QKI: variants seen among roughly 807,000 people sequenced by gnomAD.
The protein encoded by QKI is QKI, KH domain containing RNA binding.
Under a neutral mutation model 39.0 loss-of-function variants are expected in QKI, and 10 were observed. The observed-to-expected ratio is 0.26, with a 90% CI of 0.16 to 0.43. The LOEUF is 0.43. Among genes scored for constraint, QKI ranks in the 20% least tolerant of loss-of-function variants. QKI has a pLI of 1.00. For missense variants in QKI, 218 were observed against 428.0 expected, an observed-to-expected ratio of 0.51 and a Z score of 4.33; for synonymous variants, 204 against 155.4, an observed-to-expected ratio of 1.31 and a Z score of -2.33.
At chr6:163,533,617 A>G (rs1187251957) in intron 3 of QKI, among the ~76,000 whole-genome samples, 2 of 152,220 alleles carry the variant, frequency 1.3e-5, no homozygotes, top group Non-Finnish European at 2.9e-5. Flanking sequence ...TAAAGATATG[A>G]CATCATCAAA....
chr6:163,533,807 C>G (rs1419677243), intron 3 of QKI, among the ~76,000 whole-genome samples: 1 of 151,920 alleles, frequency 6.6e-6, no homozygotes, highest in Non-Finnish European at 1.5e-5. Context: ...TATCCCCTTA[C>G]AATATGTGGA....
Position 163,415,103 on chromosome 6 carries a change from C to A in QKI, c.-91C>A. On this transcript the variant is annotated 5_prime_UTR_variant, in exon 1 of 8. Transcript: ENST00000361752. ...GCGGAGCGGGACGCCGGGTCCCGAGCGGCCCGCGGCCGGGGCTCGCCCCCG... is the reference window on the plus strand; with the variant it reads ...GCGGAGCGGGACGCCGGGTCCCGAGAGGCCCGCGGCCGGGGCTCGCCCCCG... 3 of 1,033,642 alleles carry A rather than the reference C, an allele frequency of 2.9e-6. No homozygotes were observed. The highest frequency in any genetic ancestry group is 4.3e-5 in the South Asian group (1 of 23,072). The allele number at this position is 1,033,642 out of a possible 1,614,324, so 64.0% of individuals were successfully genotyped here.
chr6:163,471,759 CACTT>C (rs1792205324), intron 2 of QKI, among the ~76,000 whole-genome samples: 1 of 152,044 alleles, frequency 6.6e-6, no homozygotes, highest in Admixed American at 6.6e-5. Context: ...ACATAGAAAA[CACTT>C]AGTAAAAAGA....
At chr6:163,466,396 C>T (rs919514656) in intron 2 of QKI, among the ~76,000 whole-genome samples, 1 of 151,986 alleles carries the variant, frequency 6.6e-6, no homozygotes, top group African/African-American at 2.4e-5. Flanking sequence ...TAGGAAAAAA[C>T]AATCCTAAAA....
intron 7 of QKI, 58 bp from the exon 8 acceptor site, chr6:163,570,636 T>C (rs1318860652): frequency 6.2e-7 from 1 of 1,602,980 alleles, no homozygotes; most frequent in African/African-American, 1.3e-5. Flanking sequence ...AACTAATCTC[T>C]TCTCTATCTT....
intron 7 of QKI, chr6:163,568,284 C>T (rs1193062969): frequency 2.1e-5 from 21 of 984,882 alleles, no homozygotes; most frequent in South Asian, 9.4e-5. Context: ...TGTATGCCCC[C>T]TTTTAGGAGA....
chr6:163,466,538 A>G (rs532170460), intron 2 of QKI, among the ~76,000 whole-genome samples: 2 of 152,322 alleles, frequency 1.3e-5, no homozygotes, highest in East Asian at 1.9e-4. Flanking sequence ...ACATAGACCA[A>G]TGAAACAGAA....
chr6:163,432,398 C>T (rs116315519), intron 1 of QKI, among the ~76,000 whole-genome samples: 3,663 of 144,004 alleles, frequency 0.025, 141 homozygotes, highest in African/African-American at 0.087. Flanking sequence ...AATCCCCCCC[C>T]TTTTTTTTTT....
intron 3 of QKI, among the ~76,000 whole-genome samples, chr6:163,501,436 A>G (rs1177145956): frequency 6.6e-6 from 1 of 152,194 alleles, no homozygotes. Context: ...ATGCATTTGC[A>G]TATCTAATTG....
chr6:163,492,137 T>C (rs1279054318), intron 3 of QKI, among the ~76,000 whole-genome samples: 1 of 152,226 alleles, frequency 6.6e-6, no homozygotes, highest in Non-Finnish European at 1.5e-5. Flanking sequence ...GTATTAATGC[T>C]GCAGCAATTG....
At chr6:163,487,307 C>T (rs562808799) in intron 3 of QKI, among the ~76,000 whole-genome samples, 1 of 152,146 alleles carries the variant, frequency 6.6e-6, no homozygotes, top group Non-Finnish European at 1.5e-5. Flanking sequence ...GGAACTCTCT[C>T]ATTCCCCATT....
intron 1 of QKI, 38 bp downstream of exon 1, chr6:163,415,373 C>G: frequency 6.6e-7 from 1 of 1,505,072 alleles, no homozygotes. Flanking sequence ...GCCCGACCCC[C>G]GCCGGGGCGG....
At chr6:163,468,898 G>T (rs1397707913) in intron 2 of QKI, among the ~76,000 whole-genome samples, 1 of 151,504 alleles carries the variant, frequency 6.6e-6, no homozygotes, top group African/African-American at 2.4e-5. Flanking sequence ...CAAAGCAGCT[G>T]CTGTGATTAG....
intron 3 of QKI, among the ~76,000 whole-genome samples, chr6:163,495,476 CATT>C (rs1453821248): frequency 2.0e-5 from 3 of 152,198 alleles, no homozygotes; most frequent in African/African-American, 7.2e-5. Flanking sequence ...AACTTGCAGA[CATT>C]ATGATCCTTC....
Position 163,415,213 on chromosome 6 carries a change from C to T in QKI, c.20C>T (p.Thr7Met). The T allele has an allele frequency of 6.3e-7, 1 of 1,587,226 alleles. No individual in the cohort carries two copies. The highest frequency in any genetic ancestry group is 8.6e-7 in the Non-Finnish European group (1 of 1,164,008). Residue 7 changes from threonine to methionine, a missense_variant, in exon 1 of 8, where the codon ACG becomes ATG. Thr to Met is a moderately conservative substitution (Grantham distance 81). Around this residue, in one of 3 missense-constraint regions of QKI, gnomAD observed 40 missense variants for 48.7 expected, o/e 0.82. Transcript: ENST00000361752. ...TGGAATATGGTCGGGGAAATGGAAACGAAGGAGAAGCCGAAGCCCACCCCA... is the reference window on the plus strand; with the variant it reads ...TGGAATATGGTCGGGGAAATGGAAATGAAGGAGAAGCCGAAGCCCACCCCA... MVGEME[T>M]KEKPKPTPDY...
chr6:163,496,683 C>T (rs1055925939), intron 3 of QKI, among the ~76,000 whole-genome samples: 1 of 152,184 alleles, frequency 6.6e-6, no homozygotes, highest in Non-Finnish European at 1.5e-5. Flanking sequence ...CTCTTTGCCT[C>T]CTCTTTGTGT....
At chr6:163,474,540 T>C (rs1257504030) in intron 2 of QKI, among the ~76,000 whole-genome samples, 2 of 151,926 alleles carry the variant, frequency 1.3e-5, no homozygotes, top group Non-Finnish European at 2.9e-5. Flanking sequence ...AATTATGATA[T>C]ACGGTAGCAG....
chr6:163,530,161 T>G (rs1562517138), intron 3 of QKI, among the ~76,000 whole-genome samples: 2 of 152,222 alleles, frequency 1.3e-5, no homozygotes, highest in African/African-American at 4.8e-5. Flanking sequence ...TCCACATCAG[T>G]ATCTCAGCTA....
Position 163,498,441 on chromosome 6 carries a change from A to G in QKI, c.402+19545A>G, listed in dbSNP as rs566274961. 2.0e-5 allele frequency among the ~76,000 whole-genome samples: 3 copies of G among 152,256 alleles called. No homozygotes were observed. The South Asian group carries it at 6.2e-4, about 32-fold the overall frequency. On this transcript the variant is annotated intron_variant, in intron 3 of 7. Coordinates refer to ENST00000361752, the MANE Select transcript of QKI (RefSeq NM_006775.3). ...AATTTTAAACTTGCAGAATTATAAA[A>G]ACAGTACAAAGCTCTCCTACACACC...
Sources: gnomAD v4.1 joint callset for allele counts (sites outside exome capture counted in the v4.1 genomes callset) on GRCh38, gnomAD v4.1.1 for gene constraint, gnomAD v4.1.1 regional missense constraint, MANE v1.5 for transcripts, NCBI Gene and HGNC (gene_info 2026-07-23, HGNC 2026-07-21) for gene names.